Variants in REDIC1 observed in about 807,000 individuals in gnomAD.
REDIC1 encodes regulator of DNA class I crossover intermediates 1.
At chr12:39,887,003 G>C in the REDIC1 span, among the ~76,000 whole-genome samples, 1 of 152,094 alleles carries the variant, frequency 6.6e-6, no homozygotes, top group Non-Finnish European at 1.5e-5. Context: ...ACATTTTAGG[G>C]TATAATTAAC....
the REDIC1 span, among the ~76,000 whole-genome samples, chr12:39,844,270 T>C: frequency 6.6e-6 from 1 of 152,048 alleles, no homozygotes; most frequent in Non-Finnish European, 1.5e-5. Context: ...TTTCAAGGCA[T>C]AGGGTAGATA....
the REDIC1 span, among the ~76,000 whole-genome samples, chr12:39,804,288 A>G: frequency 2.0e-5 from 3 of 152,320 alleles, no homozygotes; most frequent in East Asian, 3.9e-4. Flanking sequence ...ATCAAGGATA[A>G]ATGTCATTAT....
At chr12:39,704,592 A>G in the REDIC1 span, among the ~76,000 whole-genome samples, 1 of 151,596 alleles carries the variant, frequency 6.6e-6, no homozygotes, top group Non-Finnish European at 1.5e-5. Context: ...AAAGGACTAT[A>G]AATCATGCTG....
the REDIC1 span, chr12:39,692,308 AGG>A: frequency 2.4e-6 from 1 of 424,366 alleles, no homozygotes; most frequent in Non-Finnish European, 3.9e-6. Context: ...ATTAATGTAT[AGG>A]TACAGTTTAG....
At chr12:39,636,324 T>C in the REDIC1 span, among the ~76,000 whole-genome samples, 1 of 152,172 alleles carries the variant, frequency 6.6e-6, no homozygotes, top group Non-Finnish European at 1.5e-5. Context: ...TAATACCTTT[T>C]TTTGGTAATT....
At chr12:39,720,729 T>C in the REDIC1 span, 14 of 1,221,934 alleles carry the variant, frequency 1.1e-5, no homozygotes, top group East Asian at 3.3e-4. Context: ...TTGAAGTGAT[T>C]GAATGCATTT....
the REDIC1 span, among the ~76,000 whole-genome samples, chr12:39,752,315 G>T: frequency 6.6e-6 from 1 of 152,112 alleles, no homozygotes; most frequent in Non-Finnish European, 1.5e-5. Context: ...AAACCCTATT[G>T]TGAACTGTGC....
chr12:39,683,738 TTAA>T, the REDIC1 span, among the ~76,000 whole-genome samples: 1 of 151,852 alleles, frequency 6.6e-6, no homozygotes, highest in Non-Finnish European at 1.5e-5. Context: ...GGAAATTGAT[TTAA>T]TGTGTTCAAG....
the REDIC1 span, among the ~76,000 whole-genome samples, chr12:39,653,482 C>T: frequency 2.0e-5 from 3 of 148,708 alleles, no homozygotes; most frequent in Admixed American, 2.0e-4. Flanking sequence ...TCTCTCTTTT[C>T]AATCTGGATG....
At chr12:39,799,533 T>C in the REDIC1 span, among the ~76,000 whole-genome samples, 7 of 149,922 alleles carry the variant, frequency 4.7e-5, no homozygotes, top group African/African-American at 1.5e-4. Context: ...ACTGGCAGAG[T>C]AGAGTAAATC....
chr12:39,671,306 C>T, the REDIC1 span, among the ~76,000 whole-genome samples: 120,164 of 152,132 alleles, frequency 0.79, 48,156 homozygotes, highest in Non-Finnish European at 0.86. Context: ...CTGTACACAC[C>T]GTCAGTGGTG....
At chr12:39,706,743 A>C in the REDIC1 span, among the ~76,000 whole-genome samples, 1 of 152,072 alleles carries the variant, frequency 6.6e-6, no homozygotes, top group African/African-American at 2.4e-5. Context: ...GGTGCCAAGA[A>C]CATGCACTGG....
chr12:39,633,937 C>A, the REDIC1 span, among the ~76,000 whole-genome samples: 42 of 152,228 alleles, frequency 2.8e-4, no homozygotes, highest in African/African-American at 1.0e-3. Context: ...TCCATTTGAA[C>A]TTTAAAGTAG....
At chr12:39,712,473 T>C in the REDIC1 span, among the ~76,000 whole-genome samples, 2 of 141,968 alleles carry the variant, frequency 1.4e-5, no homozygotes, top group Non-Finnish European at 3.1e-5. Context: ...CGTATGTATA[T>C]ATACATACAG....
chr12:39,667,063 T>G, the REDIC1 span, among the ~76,000 whole-genome samples: 3 of 152,162 alleles, frequency 2.0e-5, no homozygotes. Flanking sequence ...TGTCTCTATT[T>G]CCTTCAGTTC....
the REDIC1 span, among the ~76,000 whole-genome samples, chr12:39,871,487 A>G: frequency 4.0e-3 from 58 of 14,430 alleles, no homozygotes; most frequent in East Asian, 0.15. Context: ...AAAGGATAGA[A>G]AAAAAAAACA....
chr12:39,719,415 C>G, the REDIC1 span, among the ~76,000 whole-genome samples: 1 of 151,986 alleles, frequency 6.6e-6, no homozygotes, highest in Non-Finnish European at 1.5e-5. Context: ...TGCTTGAGCC[C>G]AGGAGTTCGT....
chr12:39,795,994 A>G, the REDIC1 span, among the ~76,000 whole-genome samples: 1 of 152,116 alleles, frequency 6.6e-6, no homozygotes, highest in Non-Finnish European at 1.5e-5. Context: ...GAACATTTTC[A>G]TCAGCCCCAA....
the REDIC1 span, among the ~76,000 whole-genome samples, chr12:39,754,099 G>T: frequency 6.6e-6 from 1 of 152,142 alleles, no homozygotes; most frequent in Non-Finnish European, 1.5e-5. Flanking sequence ...GGTCTGAAAA[G>T]ATGTTCCAAA....
Sources: allele counts gnomAD v4.1 joint callset (sites outside exome capture counted in the v4.1 genomes callset), GRCh38; gene constraint gnomAD v4.1.1; transcripts MANE v1.5; gene names NCBI Gene and HGNC (gene_info 2026-07-23, HGNC 2026-07-21).